Variants in AKAP13 observed in about 807,000 individuals in gnomAD.
The protein encoded by AKAP13 is A-kinase anchoring protein 13.
In AKAP13, 80 loss-of-function variants were observed where a neutral mutation model predicts 264.5. The ratio of observed to expected loss-of-function variants is 0.30; its 90% CI spans 0.25 to 0.36. The LOEUF is 0.36. Among genes scored for constraint, AKAP13 ranks in the 10% least tolerant of loss-of-function variants. AKAP13 has a pLI of 1.00. For synonymous variants in AKAP13, 1,380 were observed against 1,250.2 expected (o/e 1.10, Z -2.19); for missense variants, 3,712 against 3,435.2 (o/e 1.08, Z -2.01).
In AKAP13 at chr15:85,650,755, CAAAAAAAAAAAAAAAAAAAA is replaced by C. The variant is rs66624781; in HGVS notation, c.4375-4646_4375-4627del. Reference sequence around the variant, plus strand: ...TGGGCAACAGAGTGAGACTCCATCTCAAAAAAAAAAAAAAAAAAAAAAAAAAAAAAAAAAACAACAAAAAC... The same window carrying C: ...TGGGCAACAGAGTGAGACTCCATCTCAAAAAAAAAAAAAAACAACAAAAAC... On this transcript the variant is annotated intron_variant, in intron 10 of 36. Coordinates refer to ENST00000394518, the MANE Select transcript of AKAP13 (RefSeq NM_007200.5). 8.6e-4 allele frequency among the ~76,000 whole-genome samples: 28 copies of C among 32,624 alleles called. No homozygotes were observed. The East Asian group carries it at 0.012, about 14-fold the overall frequency. 21.4% of individuals were successfully genotyped at this position (32,624 alleles called of 152,430 possible). A position where few individuals can be genotyped will look rare whatever the true frequency, so the allele number is the denominator to read the frequency against.
At chr15:85,656,379 G>A (rs1357664115) in intron 11 of AKAP13, among the ~76,000 whole-genome samples, 1 of 152,118 alleles carries the variant, frequency 6.6e-6, no homozygotes, top group East Asian at 1.9e-4. Context: ...GTGGGAACTT[G>A]TATTAAGTGT....
rs1191870371 is a variant in AKAP13, at chr15:85,531,758, G to A, written c.182-1826G>A. Among the ~76,000 whole-genome samples the A allele has an allele frequency of 2.6e-5, 4 of 152,200 alleles. 1 individual carries two copies. The highest frequency in any genetic ancestry group is 9.7e-5 in the African/African-American group (4 of 41,450). ...TTCTTAGAAAGAATTCGACTTGGAA[G>A]GCAGTGGGAGTATCGTGTGGATTCA... On this transcript the variant is annotated intron_variant, in intron 3 of 36. Coordinates refer to ENST00000394518, the MANE Select transcript of AKAP13 (RefSeq NM_007200.5).
intron 30 of AKAP13, among the ~76,000 whole-genome samples, chr15:85,732,080 CAA>C (rs34426976): frequency 0.22 from 25,343 of 114,404 alleles, 2,634 homozygotes; most frequent in Middle Eastern, 0.44. Context: ...GAGACTATCT[CAA>C]AAAAAAAAAA....
rs1326643576 is a variant in AKAP13, at chr15:85,708,627, T to C, written c.5532+541T>C. Among the ~76,000 whole-genome samples the C allele has an allele frequency of 6.6e-6, 1 of 152,206 alleles. No homozygotes were observed. Among genetic ancestry groups the C allele is most frequent in the African/African-American group, 2.4e-5 (1 of 41,458 alleles). On this transcript the variant is annotated intron_variant, in intron 18 of 36. Coordinates refer to ENST00000394518, the MANE Select transcript of AKAP13 (RefSeq NM_007200.5). The surrounding 1 kb of genome is among the most constrained non-coding windows in gnomAD (Gnocchi z 4.3). The stretch of plus-strand genomic sequence containing the variant: ...TGGTGGTATCTGCCCTGAGCATGTA[T>C]GCTATGTAATCATGCTTTCCCAGTG...
At chr15:85,608,291 C>A (rs897121978) in intron 8 of AKAP13, among the ~76,000 whole-genome samples, 1 of 152,170 alleles carries the variant, frequency 6.6e-6, no homozygotes, top group Non-Finnish European at 1.5e-5. Flanking sequence ...GAAACTACTT[C>A]AGACAAAATT....
chr15:85,712,674 G>T (rs1000470086), intron 19 of AKAP13, among the ~76,000 whole-genome samples: 3 of 152,078 alleles, frequency 2.0e-5, no homozygotes, highest in African/African-American at 7.2e-5. Flanking sequence ...CTCCCAAGTA[G>T]CTGGGATTAC....
chr15:85,458,398 T>TG (rs2150993179), intron 1 of AKAP13, among the ~76,000 whole-genome samples: 1 of 148,718 alleles, frequency 6.7e-6, no homozygotes, highest in African/African-American at 2.5e-5. Context: ...TTTTTGTTTT[T>TG]TTTTTTTTTT....
At chr15:85,669,013 G>A (rs550718310) in intron 13 of AKAP13, among the ~76,000 whole-genome samples, 82 of 151,892 alleles carry the variant, frequency 5.4e-4, no homozygotes, top group Middle Eastern at 3.4e-3. Context: ...CGAGGCAGGC[G>A]GATCACAAGG....
At chr15:85,447,559 C>T (rs2073945307) in intron 1 of AKAP13, among the ~76,000 whole-genome samples, 1 of 151,520 alleles carries the variant, frequency 6.6e-6, no homozygotes, top group African/African-American at 2.4e-5. Flanking sequence ...TCTGTTGTTT[C>T]CTTCTTTGTG....
rs892868797 is a variant in AKAP13 at position 85,498,579 on chromosome 15, A to C, written c.33+12826A>C. ...AGGATGGTTTCACTATCAGCTCCCCAGGTTGATACTATTGAAGCTTGATGC... is the reference window on the plus strand; with the variant it reads ...AGGATGGTTTCACTATCAGCTCCCCCGGTTGATACTATTGAAGCTTGATGC... On this transcript the variant is annotated intron_variant, in intron 2 of 36. Coordinates refer to ENST00000394518, the MANE Select transcript of AKAP13 (RefSeq NM_007200.5). Among the ~76,000 whole-genome samples the C allele has an allele frequency of 3.2e-4, 10 of 31,502 alleles. No homozygotes were observed. The South Asian group carries it at 5.3e-3, about 17-fold the overall frequency. 20.7% of individuals were successfully genotyped at this position (31,502 alleles called of 152,430 possible).
chr15:85,727,700 T>C lies in AKAP13; in HGVS notation c.7087+237T>C, dbSNP rs2151743291. Among the ~76,000 whole-genome samples, 1 of 152,298 alleles carries C rather than the reference T, an allele frequency of 6.6e-6. No homozygotes were observed. The highest frequency in any genetic ancestry group is 1.5e-5 in the Non-Finnish European group (1 of 68,022). On this transcript the variant is annotated intron_variant, in intron 29 of 36. Transcript: ENST00000394518. The surrounding 1 kb of genome is among the most constrained non-coding windows in gnomAD (Gnocchi z 5.3). ...AGTACTGGATCAAGAGAATATTGAT[T>C]CTCTTGACTCAGGATCCGTGTTCTC...
At chr15:85,401,986 A>C (rs1407020102) in intron 1 of AKAP13, among the ~76,000 whole-genome samples, 3 of 152,228 alleles carry the variant, frequency 2.0e-5, no homozygotes, top group African/African-American at 7.2e-5. Context: ...CTTGTTAGTG[A>C]ACAGACACTG....
intron 16 of AKAP13, among the ~76,000 whole-genome samples, chr15:85,692,148 C>T (rs1467047627): frequency 6.6e-6 from 1 of 152,126 alleles, no homozygotes; most frequent in Non-Finnish European, 1.5e-5. Flanking sequence ...TAGCCACTCC[C>T]CAATTTCTTC....
Position 85,708,322 on chromosome 15 carries a change from C to T in AKAP13, c.5532+236C>T, listed in dbSNP as rs899072098. Among the ~76,000 whole-genome samples, 1 of 152,198 alleles carries T rather than the reference C, an allele frequency of 6.6e-6. No homozygotes were observed. The highest frequency in any genetic ancestry group is 1.5e-5 in the Non-Finnish European group (1 of 68,040). On this transcript the variant is annotated intron_variant, in intron 18 of 36. Coordinates refer to ENST00000394518, the MANE Select transcript of AKAP13 (RefSeq NM_007200.5). This position sits in a 1 kb window ranked among gnomAD's most constrained non-coding sequence, Gnocchi z 4.3. ...AGAAAACGCTTTCAGAACTTCTTCA[C>T]GTTCAATATACATTTCTTCGTGATT...
At chr15:85,494,714 G>A (rs1469522693) in intron 2 of AKAP13, among the ~76,000 whole-genome samples, 1 of 152,208 alleles carries the variant, frequency 6.6e-6, no homozygotes, top group African/African-American at 2.4e-5. Flanking sequence ...TTCACAGCAG[G>A]TTACGAGAGG....
At chr15:85,714,215 G>T (rs1024565076) in intron 19 of AKAP13, among the ~76,000 whole-genome samples, 3 of 152,186 alleles carry the variant, frequency 2.0e-5, no homozygotes, top group African/African-American at 7.2e-5. Flanking sequence ...ATAAGGAAGA[G>T]AAAATATATT....
chr15:85,595,598 C>T (rs879334177), intron 8 of AKAP13, among the ~76,000 whole-genome samples: 6 of 152,168 alleles, frequency 3.9e-5, no homozygotes, highest in Non-Finnish European at 7.3e-5. Context: ...CTGTCTGAAA[C>T]GTAATGGTGT....
At chr15:85,501,817 T>G (rs1204203678) in intron 2 of AKAP13, among the ~76,000 whole-genome samples, 1 of 152,190 alleles carries the variant, frequency 6.6e-6, no homozygotes, top group African/African-American at 2.4e-5. Flanking sequence ...TGTGTCAGCG[T>G]TTAACCCTGC....
At chr15:85,575,034 A>T (rs1427495919) in intron 5 of AKAP13, 97 bp from the exon 6 acceptor site, 1 of 1,229,416 alleles carries the variant, frequency 8.1e-7, no homozygotes, top group Non-Finnish European at 1.2e-6. Flanking sequence ...AACCTCAAAG[A>T]ACAATCAGGT....
Sources: gnomAD v4.1 joint callset for allele counts (sites outside exome capture counted in the v4.1 genomes callset) on GRCh38, gnomAD v4.1.1 for gene constraint, Gnocchi (gnomAD v3.1) non-coding constraint, MANE v1.5 for transcripts, NCBI Gene and HGNC (gene_info 2026-07-23, HGNC 2026-07-21) for gene names.